Variants in UTS2B observed in about 807,000 individuals in gnomAD.
UTS2B encodes the protein urotensin-2B.
UTS2B carries 21 observed loss-of-function variants against 19.2 expected under a neutral mutation model. That is an observed-to-expected ratio of 1.09 (90% CI 0.78 to 1.58). The LOEUF is 1.58. Ranked by LOEUF, UTS2B falls within the 40% of genes most tolerant of loss-of-function variation. UTS2B has a pLI of 0.00. For synonymous variants in UTS2B, 57 were observed against 50.2 expected (o/e 1.14, Z -0.58); for missense variants, 138 against 130.3 (o/e 1.06, Z -0.29).
At chr3:191,314,636 G>A (rs900939682) in intron 3 of UTS2B, among the ~76,000 whole-genome samples, 7 of 152,144 alleles carry the variant, frequency 4.6e-5, no homozygotes, top group Non-Finnish European at 1.0e-4. Flanking sequence ...CAAGTGCAAG[G>A]GTGGGGCTGG....
chr3:191,306,418 TC>T (rs1237650478), intron 3 of UTS2B, among the ~76,000 whole-genome samples: 14 of 152,324 alleles, frequency 9.2e-5, no homozygotes, highest in Middle Eastern at 3.4e-3. Flanking sequence ...TTTCAAATAA[TC>T]CATCATCTAT....
chr3:191,343,013 G>T, the UTS2B span, among the ~76,000 whole-genome samples: 10 of 152,252 alleles, frequency 6.6e-5, no homozygotes, highest in South Asian at 6.2e-4. Context: ...AACTGTGTGG[G>T]TCCATTTATA....
At chr3:191,308,844 G>C (rs757587413) in intron 3 of UTS2B, among the ~76,000 whole-genome samples, 1 of 151,710 alleles carries the variant, frequency 6.6e-6, no homozygotes, top group Non-Finnish European at 1.5e-5. Flanking sequence ...CTACCTCTTA[G>C]TTATGAGACA....
chr3:191,307,701 G>C (rs556603467), intron 3 of UTS2B, among the ~76,000 whole-genome samples: 1 of 152,212 alleles, frequency 6.6e-6, no homozygotes, highest in South Asian at 2.1e-4. Context: ...CCTGCTCTAG[G>C]CATCCAGCAG....
At chr3:191,278,341 T>C (rs1716295003) in intron 5 of UTS2B, among the ~76,000 whole-genome samples, 171 bp from the exon 6 acceptor site, 1 of 151,918 alleles carries the variant, frequency 6.6e-6, no homozygotes. Flanking sequence ...ATATATTGAA[T>C]GAATATGGAC....
chr3:191,343,236 T>C, the UTS2B span, among the ~76,000 whole-genome samples: 1 of 152,210 alleles, frequency 6.6e-6, no homozygotes, highest in Non-Finnish European at 1.5e-5. Context: ...GGCTATTATT[T>C]CTCTCATATT....
intron 4 of UTS2B, among the ~76,000 whole-genome samples, chr3:191,293,279 T>C (rs527763994): frequency 2.6e-5 from 4 of 152,322 alleles, no homozygotes; most frequent in South Asian, 4.1e-4. Context: ...GAATTGAAAA[T>C]GGTCTCTTCT....
At chr3:191,286,399 GA>G in intron 4 of UTS2B, among the ~76,000 whole-genome samples, 1 of 40,596 alleles carries the variant, frequency 2.5e-5, no homozygotes, top group Admixed American at 3.8e-4. Context: ...AATTTAAGAA[GA>G]ATGAAGTCAT....
chr3:191,337,438 A>C, the UTS2B span, among the ~76,000 whole-genome samples: 1 of 151,568 alleles, frequency 6.6e-6, no homozygotes, highest in African/African-American at 2.4e-5. Flanking sequence ...TCTGACGCCC[A>C]GGCTCGAGCG....
the UTS2B span, among the ~76,000 whole-genome samples, chr3:191,337,967 C>G: frequency 6.6e-6 from 1 of 152,018 alleles, no homozygotes; most frequent in Admixed American, 6.6e-5. Flanking sequence ...TTCATCTTGC[C>G]TGATGAGCAT....
At chr3:191,319,432 G>A (rs1717551310) in intron 2 of UTS2B, among the ~76,000 whole-genome samples, 1 of 152,170 alleles carries the variant, frequency 6.6e-6, no homozygotes, top group Non-Finnish European at 1.5e-5. Flanking sequence ...CAACATGTTG[G>A]TATAGCAAAT....
intron 8 of UTS2B, among the ~76,000 whole-genome samples, chr3:191,272,951 G>A (rs1467542572): frequency 2.6e-5 from 4 of 151,282 alleles, no homozygotes; most frequent in Non-Finnish European, 5.9e-5. Context: ...GATCACCTGA[G>A]GTCAGGAGTT....
At chr3:191,330,851 AGTG>A (rs535417555), upstream of UTS2B, among the ~76,000 whole-genome samples, 26 of 152,282 alleles carry the variant, frequency 1.7e-4, no homozygotes, top group African/African-American at 5.1e-4. Context: ...ACTAGTGACT[AGTG>A]GTCACTGATT....
intron 4 of UTS2B, among the ~76,000 whole-genome samples, chr3:191,285,231 T>TTA (rs3048628): frequency 0.51 from 76,736 of 151,862 alleles, 21,116 homozygotes; most frequent in Middle Eastern, 0.62. Flanking sequence ...AAGTGTAGAG[T>TTA]TATTTTACGT....
chr3:191,334,919 A>G (rs935185509), upstream of UTS2B, among the ~76,000 whole-genome samples: 4 of 152,210 alleles, frequency 2.6e-5, no homozygotes, highest in African/African-American at 4.8e-5. Context: ...CAAATGAATT[A>G]CTGAGTGAAC....
chr3:191,344,911 C>T, the UTS2B span, among the ~76,000 whole-genome samples: 2 of 152,236 alleles, frequency 1.3e-5, no homozygotes, highest in Admixed American at 1.3e-4. Context: ...TCCCATTGAG[C>T]GTTAGACTGT....
intron 4 of UTS2B, among the ~76,000 whole-genome samples, chr3:191,298,216 T>C (rs960305771): frequency 6.7e-6 from 1 of 149,156 alleles, no homozygotes; most frequent in African/African-American, 2.5e-5. Context: ...TTGTGAAAAA[T>C]GTATACATTG....
At chr3:191,291,639 A>G (rs1267062055) in intron 4 of UTS2B, among the ~76,000 whole-genome samples, 1 of 152,000 alleles carries the variant, frequency 6.6e-6, no homozygotes, top group Non-Finnish European at 1.5e-5. Flanking sequence ...TTTTTAGTGG[A>G]GACAAGGTTT....
upstream of UTS2B, among the ~76,000 whole-genome samples, chr3:191,333,279 A>G (rs1029961980): frequency 6.6e-6 from 1 of 152,234 alleles, no homozygotes; most frequent in Non-Finnish European, 1.5e-5. Flanking sequence ...ACATACCTAG[A>G]AAGCACTGAT....
Sources: allele counts gnomAD v4.1 joint callset (sites outside exome capture counted in the v4.1 genomes callset), GRCh38; gene constraint gnomAD v4.1.1; transcripts MANE v1.5; gene names NCBI Gene and HGNC (gene_info 2026-07-23, HGNC 2026-07-21).